Variants in ME1 observed in about 807,000 individuals in gnomAD.
The protein encoded by ME1 is NADP-dependent malic enzyme.
A neutral mutation model predicts 66.4 loss-of-function variants in ME1; 74 were observed. The observed-to-expected ratio is 1.11, with a 90% CI of 0.92 to 1.35. ME1 has a LOEUF of 1.35. ME1 is among the 40% of genes most tolerant of loss of function. The pLI is 0.00. For missense variants in ME1, 750 were observed against 694.1 expected (o/e 1.08, Z -0.90); for synonymous variants, 251 against 235.6 (o/e 1.07, Z -0.60).
intron 7 of ME1, among the ~76,000 whole-genome samples, chr6:83,243,198 T>C (rs768785164): frequency 6.7e-6 from 1 of 150,148 alleles, no homozygotes; most frequent in South Asian, 2.1e-4. Flanking sequence ...CCCAGGAGTT[T>C]GAGGCTGCAG....
At chr6:83,298,385 C>T (rs914054271) in intron 6 of ME1, among the ~76,000 whole-genome samples, 3 of 151,714 alleles carry the variant, frequency 2.0e-5, no homozygotes, top group Non-Finnish European at 4.4e-5. Context: ...TGGTTCATGT[C>T]CTTTGCCCAC....
Position 83,211,870 on chromosome 6 carries a change from A to C in ME1, c.*54T>G. 1 of 1,237,354 alleles carries C rather than the reference A, an allele frequency of 8.1e-7. No homozygotes were observed. Among genetic ancestry groups the C allele is most frequent in the South Asian group, 2.4e-5 (1 of 41,848 alleles). The allele number at this position is 1,237,354 out of a possible 1,614,324, so 76.6% of individuals were successfully genotyped here. On this transcript the variant is annotated 3_prime_UTR_variant, in exon 14 of 14. Transcript: ENST00000369705. ...TTATAAAAGATTCCAACCTTTAAAA[A>C]TTATGAAAGGTTTAAAGACCTCATT...
intron 2 of ME1, among the ~76,000 whole-genome samples, chr6:83,405,716 G>C (rs1769927303): frequency 6.9e-6 from 1 of 144,406 alleles, no homozygotes; most frequent in Non-Finnish European, 1.5e-5. Context: ...TTTTGTTGTT[G>C]TTGTTGTTTT....
At chr6:83,341,533 G>A (rs1284635084) in intron 5 of ME1, among the ~76,000 whole-genome samples, 1 of 152,006 alleles carries the variant, frequency 6.6e-6, no homozygotes, top group Non-Finnish European at 1.5e-5. Flanking sequence ...TTTATAAAGG[G>A]AACAAATAAT....
chr6:83,311,171 A>G (rs1004663222), intron 6 of ME1, among the ~76,000 whole-genome samples: 1 of 152,182 alleles, frequency 6.6e-6, no homozygotes, highest in African/African-American at 2.4e-5. Flanking sequence ...CTAAGGTTTT[A>G]TCACAATATA....
intron 5 of ME1, among the ~76,000 whole-genome samples, chr6:83,329,344 A>G (rs1768362098): frequency 6.6e-6 from 1 of 152,220 alleles, no homozygotes; most frequent in Non-Finnish European, 1.5e-5. Flanking sequence ...AGCATAGAGT[A>G]TATTTTAACC....
intron 11 of ME1, among the ~76,000 whole-genome samples, chr6:83,224,851 G>A (rs1790160207): frequency 6.6e-6 from 1 of 151,922 alleles, no homozygotes; most frequent in South Asian, 2.1e-4. Context: ...ATTTTGCCTA[G>A]TATTAATATT....
chr6:83,379,146 C>T (rs1477502769), intron 3 of ME1, among the ~76,000 whole-genome samples: 1 of 152,048 alleles, frequency 6.6e-6, no homozygotes, highest in Non-Finnish European at 1.5e-5. Context: ...AGAAACCATA[C>T]TACCATCTCC....
intron 7 of ME1, among the ~76,000 whole-genome samples, chr6:83,249,620 T>G (rs1790687430): frequency 2.0e-5 from 3 of 152,194 alleles, no homozygotes; most frequent in Non-Finnish European, 4.4e-5. Flanking sequence ...AGAAACATTA[T>G]CATCCCCATT....
intron 3 of ME1, chr6:83,393,270 C>T: frequency 8.5e-7 from 1 of 1,172,952 alleles, no homozygotes; most frequent in Non-Finnish European, 1.3e-6. Flanking sequence ...CAACAGACAC[C>T]CACTCTTCCA....
At position 83,211,931 on chromosome 6, in the gene ME1, T is replaced by C; in HGVS notation, c.1712A>G (p.Asp571Gly). The change falls in exon 14 of 14, where the codon GAC becomes GGC. Residue 571 changes from aspartate to glycine, a missense_variant. Transcript: ENST00000369705. ...EEVQKIQTKV[D>G]Q is the part of the protein sequence containing the mutation. The stretch of plus-strand genomic sequence containing the variant: ...GAAATGTTTGCTATTATCCTACTGG[T>C]CAACTTTGGTCTGTATTTTCTGCAC... 2 of 1,583,772 alleles carry C rather than the reference T, an allele frequency of 1.3e-6. No individual in the cohort carries two copies. The highest frequency in any genetic ancestry group is 2.4e-5 in the South Asian group (2 of 84,510).
At chr6:83,302,900 A>G (rs1144185) in intron 6 of ME1, among the ~76,000 whole-genome samples, 53,761 of 151,986 alleles carry the variant, frequency 0.35, 9,733 homozygotes, top group Middle Eastern at 0.49. Context: ...AGTCAATAGC[A>G]GGGTAAAGGT....
intron 6 of ME1, among the ~76,000 whole-genome samples, chr6:83,283,022 A>C (rs893687278): frequency 6.6e-6 from 1 of 151,208 alleles, no homozygotes; most frequent in African/African-American, 2.4e-5. Flanking sequence ...AGGTCAGGAG[A>C]TCGAGACCAT....
intron 6 of ME1, among the ~76,000 whole-genome samples, chr6:83,257,931 A>T (rs1156894249): frequency 1.3e-5 from 2 of 152,146 alleles, no homozygotes; most frequent in African/African-American, 4.8e-5. Flanking sequence ...AGCTGTCATT[A>T]TGTTCAGAAG....
At chr6:83,391,794 C>G (rs933716343) in intron 3 of ME1, among the ~76,000 whole-genome samples, 2 of 152,070 alleles carry the variant, frequency 1.3e-5, no homozygotes, top group Admixed American at 6.5e-5. Flanking sequence ...ATTGGCTGTT[C>G]CTTCTGTCTG....
chr6:83,233,525 A>C (rs879797136), intron 9 of ME1, among the ~76,000 whole-genome samples: 12 of 152,054 alleles, frequency 7.9e-5, no homozygotes, highest in Non-Finnish European at 7.4e-5. Context: ...GTGATGTTGA[A>C]AGTTGAAAGA....
intron 5 of ME1, 48 bp from the exon 6 acceptor site, chr6:83,315,461 A>G (rs1268309920): frequency 9.2e-7 from 1 of 1,082,282 alleles, no homozygotes; most frequent in Admixed American, 2.1e-5. Context: ...TAACCAAATC[A>G]TTTATTGAGC....
At chr6:83,241,699 A>C (rs941110997) in intron 7 of ME1, among the ~76,000 whole-genome samples, 18 of 152,166 alleles carry the variant, frequency 1.2e-4, no homozygotes. Flanking sequence ...ATTTCATTGC[A>C]GAGAAGGGAA....
intron 5 of ME1, among the ~76,000 whole-genome samples, chr6:83,344,179 G>A (rs377626326): frequency 1.9e-4 from 28 of 150,126 alleles, no homozygotes; most frequent in Middle Eastern, 3.5e-3. Context: ...CCAGCTACTC[G>A]AAAGGCTGAG....
Sources: gnomAD v4.1 joint callset for allele counts (sites outside exome capture counted in the v4.1 genomes callset) on GRCh38, gnomAD v4.1.1 for gene constraint, MANE v1.5 for transcripts, NCBI Gene and HGNC (gene_info 2026-07-23, HGNC 2026-07-21) for gene names.